FBF1: variants seen among roughly 807,000 people sequenced by gnomAD.
FBF1 encodes Fas binding factor 1.
A neutral mutation model predicts 147.2 loss-of-function variants in FBF1; 119 were observed. The observed-to-expected ratio is 0.81, with a 90% CI of 0.70 to 0.94. The LOEUF (loss-of-function observed/expected upper bound fraction) is 0.94, where lower values mean the gene tolerates loss of function less well. Ranked by LOEUF, FBF1 falls within the 40% of genes least tolerant of loss-of-function variation. FBF1 has a pLI of 0.00. For synonymous variants in FBF1, 601 were observed against 609.0 expected (o/e 0.99, Z 0.19); for missense variants, 1,449 against 1,500.8 (o/e 0.97, Z 0.57).
intron 28 of FBF1, among the ~76,000 whole-genome samples, chr17:75,913,144 C>CT (rs869041751): frequency 0.087 from 10,732 of 124,024 alleles, 807 homozygotes; most frequent in African/African-American, 0.21. Flanking sequence ...TTGAGGGTGA[C>CT]TTTTTTTTTT....
Position 75,918,383 on chromosome 17 carries a change from G to T in FBF1, c.2139-114C>A, listed in dbSNP as rs1035562019. ...GCCCTTGCTCCCAGGCCTCTCCTCC[G>T]CCGGGCACTGCCTCAGTTTCCCCAG... On this transcript the variant is annotated intron_variant, in intron 20 of 29. Coordinates refer to ENST00000636174, the MANE Select transcript of FBF1 (RefSeq NM_001319193.2). This position sits in a 1 kb window ranked among gnomAD's most constrained non-coding sequence, Gnocchi z 5.8. The T allele has an allele frequency of 5.3e-6, 4 of 760,622 alleles. No homozygotes were observed. The highest frequency in any genetic ancestry group is 8.4e-6 in the Non-Finnish European group (4 of 476,222). The allele number at this position is 760,622 out of a possible 1,614,324, so 47.1% of individuals were successfully genotyped here.
At chr17:75,929,941 C>T (rs373179528) in intron 7 of FBF1, 56 bp downstream of exon 7, 422 of 717,400 alleles carry the variant, frequency 5.9e-4, no homozygotes, top group Non-Finnish European at 8.3e-4. Flanking sequence ...TACAAAATAT[C>T]ATGACCCCAC....
chr17:75,931,353 A>C (rs1203574463), intron 5 of FBF1, 64 bp from the exon 6 acceptor site: 2 of 1,452,864 alleles, frequency 1.4e-6, no homozygotes, highest in Non-Finnish European at 1.9e-6. Flanking sequence ...TAAAAAGGGG[A>C]GGAGTAGCTT....
rs773830441 is a variant in FBF1 at position 75,917,969 on chromosome 17, C to T, written c.2348G>A (p.Arg783Gln). ...EASHLTTSQE[R>Q]ELGIRQRDEQ... ...GTCACGCTGCCGGATCCCCAGCTCC[C>T]GCTCCTGGGAGGTGGTGAGGTGCGA... Residue 783 changes from arginine to glutamine, a missense_variant, in exon 22 of 30, where the codon CGG becomes CAG. Physicochemically the swap from Arg to Gln is conservative, Grantham distance 43. Transcript: ENST00000636174. 6.8e-6 allele frequency: 11 copies of T among 1,607,984 alleles called. No homozygotes were observed. The highest frequency in any genetic ancestry group is 2.2e-5 in the South Asian group (2 of 90,516).
chr17:75,927,467 ACCT>A lies in FBF1; in HGVS notation c.460_462del (p.Arg154del), dbSNP rs2065569400. 1 of 1,595,134 alleles carries A rather than the reference ACCT, an allele frequency of 6.3e-7. No homozygotes were observed. ...GAGCCTATGGTACCTTCAGAGGAAA[ACCT>A]CCTGTTCTGATGCCCAGAGCTGCTG... is the stretch of plus-strand genomic sequence containing the variant. On this transcript the variant is annotated inframe_deletion, in exon 9 of 30. Transcript: ENST00000636174.
At chr17:75,920,500 T>C (rs566149236) in intron 17 of FBF1, 71 bp from the exon 18 acceptor site, 5 of 1,464,622 alleles carry the variant, frequency 3.4e-6, no homozygotes, top group Non-Finnish European at 4.6e-6. Flanking sequence ...AGCTACCTCC[T>C]GGCCCACTGC....
chr17:75,922,699 G>C lies in FBF1; in HGVS notation c.1424+487C>G, dbSNP rs907505619. ...GAGGTCACTCGCTATCCTGCCCCAC[G>C]GATAAGGGCTTCTCCAAGAGGCGCC... On this transcript the variant is annotated intron_variant, in intron 14 of 29. Coordinates refer to ENST00000636174, the MANE Select transcript of FBF1 (RefSeq NM_001319193.2). The surrounding 1 kb of genome is among the most constrained non-coding windows in gnomAD (Gnocchi z 5.0). Among the ~76,000 whole-genome samples the C allele has an allele frequency of 6.6e-6, 1 of 152,156 alleles. No homozygotes were observed. The highest frequency in any genetic ancestry group is 1.5e-5 in the Non-Finnish European group (1 of 68,030).
intron 1 of FBF1, among the ~76,000 whole-genome samples, chr17:75,939,362 C>G (rs988312035): frequency 6.9e-6 from 1 of 145,444 alleles, no homozygotes; most frequent in Non-Finnish European, 1.5e-5. Flanking sequence ...TTTGAGATTA[C>G]TTGAAAAAAG....
At chr17:75,912,399 AGT>A in intron 28 of FBF1, 92 bp from the exon 29 acceptor site, 1 of 942,660 alleles carries the variant, frequency 1.1e-6, no homozygotes. Flanking sequence ...TCCCCCCGCC[AGT>A]GGGTGGACCC....
In FBF1 at chr17:75,925,557, C is replaced by CT; in HGVS notation, c.869-112_869-111insA. The CT allele has an allele frequency of 1.1e-6, 1 of 911,190 alleles. No homozygotes were observed. Among genetic ancestry groups the CT allele is most frequent in the Non-Finnish European group, 1.7e-6 (1 of 592,928 alleles). 56.4% of individuals were successfully genotyped at this position (911,190 alleles called of 1,614,324 possible). A position where few individuals can be genotyped will look rare whatever the true frequency, so the allele number is the denominator to read the frequency against. ...TTGGTAGCTTGTTGTGTAAGACAAG[C>CT]AGAGGGAAGCTGCTGTGAAGGGAGC... On this transcript the variant is annotated intron_variant, in intron 12 of 29. Coordinates refer to ENST00000636174, the MANE Select transcript of FBF1 (RefSeq NM_001319193.2). The surrounding 1 kb of genome is among the most constrained non-coding windows in gnomAD (Gnocchi z 5.0).
chr17:75,931,328 G>C, intron 5 of FBF1, 39 bp from the exon 6 acceptor site: 14 of 1,545,752 alleles, frequency 9.1e-6, no homozygotes, highest in Non-Finnish European at 1.2e-5. Context: ...TGCATCCCAG[G>C]GCACTGGATG....
intron 1 of FBF1, among the ~76,000 whole-genome samples, chr17:75,939,644 C>T (rs1395222622): frequency 6.6e-6 from 1 of 152,142 alleles, no homozygotes; most frequent in East Asian, 1.9e-4. Context: ...AATCCTCCTG[C>T]GTTGGTCTTC....
Position 75,921,278 on chromosome 17 carries a change from G to T in FBF1, c.1640C>A (p.Thr547Asn). 2 of 1,593,754 alleles carry T rather than the reference G, an allele frequency of 1.3e-6. No homozygotes were observed. The highest frequency in any genetic ancestry group is 2.3e-5 in the East Asian group (1 of 43,984). Residue 547 changes from threonine to asparagine, a missense_variant, in exon 17 of 30, where the codon ACC becomes AAC. Physicochemically the swap from Thr to Asn is moderately conservative, Grantham distance 65. Transcript: ENST00000636174. ...ATEPATCFPS[T>N]QKPTEPSVPV... is the part of the protein sequence containing the mutation. ...CACGGAAGGCTCTGTGGGTTTCTGGGTGCTCGGGAAACACGTGGCAGGCTC... is the reference window on the plus strand; with the variant it reads ...CACGGAAGGCTCTGTGGGTTTCTGGTTGCTCGGGAAACACGTGGCAGGCTC...
rs373905797 is a variant in FBF1, at chr17:75,926,079, G to A, written c.819C>T (p.Thr273=). 9.3e-6 allele frequency: 15 copies of A among 1,612,404 alleles called. No individual in the cohort carries two copies. Among genetic ancestry groups the A allele is most frequent in the Admixed American group, 1.7e-5 (1 of 59,958 alleles). The change falls in exon 12 of 30, where the codon ACC becomes ACT. Residue 273 remains threonine, a synonymous_variant. Transcript: ENST00000636174. ...CTAGCTTGAACTCCCTGTGCTCCCC[G>A]GTGCCCGGGCGGGCCAGGAGTTTGG... ...MATKLLARPG[T]GEHREFKLDK... is the part of the protein sequence containing the mutation.
intron 24 of FBF1, 25 bp from the exon 25 acceptor site, chr17:75,914,957 G>T (rs750681003): frequency 3.1e-6 from 5 of 1,611,424 alleles, no homozygotes; most frequent in Non-Finnish European, 4.2e-6. Context: ...TGAAGGCACG[G>T]GGTGAGTGTC....
At chr17:75,932,527 G>A (rs763536563) in intron 5 of FBF1, among the ~76,000 whole-genome samples, 4 of 152,070 alleles carry the variant, frequency 2.6e-5, no homozygotes, top group Non-Finnish European at 4.4e-5. Flanking sequence ...TGAGTGGATC[G>A]CTTCAGCCCA....
chr17:75,911,171 A>G (rs980629682), intron 29 of FBF1, among the ~76,000 whole-genome samples: 1 of 152,104 alleles, frequency 6.6e-6, no homozygotes, highest in African/African-American at 2.4e-5. Flanking sequence ...CTGTAATCCT[A>G]GCTAATCCGC....
chr17:75,914,725 G>A, intron 25 of FBF1, 22 bp downstream of exon 25: 5 of 1,532,390 alleles, frequency 3.3e-6, no homozygotes, highest in South Asian at 1.2e-5. Flanking sequence ...GCCCTCCACT[G>A]TCCGGAGGCT....
At chr17:75,929,950 A>ACCCCCCC in intron 7 of FBF1, 47 bp downstream of exon 7, 6 of 214,742 alleles carry the variant, frequency 2.8e-5, no homozygotes, top group East Asian at 1.4e-4. Context: ...TCATGACCCC[A>ACCCCCCC]CCCCACCCAC....
Sources: allele counts gnomAD v4.1 joint callset (sites outside exome capture counted in the v4.1 genomes callset), GRCh38; gene constraint gnomAD v4.1.1; non-coding constraint Gnocchi (gnomAD v3.1); transcripts MANE v1.5; gene names NCBI Gene and HGNC (gene_info 2026-07-23, HGNC 2026-07-21).